Variants in GPC3 observed in about 807,000 individuals in gnomAD.
The protein encoded by GPC3 is glypican 3.
A neutral mutation model predicts 34.4 loss-of-function variants in GPC3; 3 were observed. The ratio of observed to expected loss-of-function variants is 0.09; its 90% CI spans 0.04 to 0.23. The LOEUF is 0.23. Among genes scored for constraint, GPC3 ranks in the 10% least tolerant of loss-of-function variants. GPC3 has a pLI of 1.00. For missense variants in GPC3, 351 were observed against 445.6 expected, an observed-to-expected ratio of 0.79 and a Z score of 1.91; for synonymous variants, 177 against 174.0, an observed-to-expected ratio of 1.02 and a Z score of -0.13.
At chrX:133,616,759 G>A (rs1477406706) in intron 6 of GPC3, among the ~76,000 whole-genome samples, 7 of 104,679 alleles carry the variant, frequency 6.7e-5, no homozygotes, top group Admixed American at 3.1e-4. Flanking sequence ...GTGCAGTGGC[G>A]CAATCTCGGC....
intron 2 of GPC3, among the ~76,000 whole-genome samples, chrX:133,825,392 A>G (rs1051617902): frequency 8.9e-6 from 1 of 112,025 alleles, no homozygotes; most frequent in African/African-American, 3.2e-5. Flanking sequence ...GAGCTCTCAC[A>G]AAGTGTCATT....
At chrX:133,903,011 G>A (rs1025401632) in intron 2 of GPC3, among the ~76,000 whole-genome samples, 14 of 110,194 alleles carry the variant, frequency 1.3e-4, no homozygotes, top group African/African-American at 3.6e-4. Context: ...TTGGGAGGCC[G>A]AGGCGGGCAG....
chrX:133,544,503 T>G (rs970307789), intron 7 of GPC3, among the ~76,000 whole-genome samples: 2 of 111,132 alleles, frequency 1.8e-5, no homozygotes, highest in Admixed American at 9.6e-5. Context: ...AAGAAAGAAA[T>G]AAAAAAGTCA....
At chrX:133,765,898 A>G (rs2071839796) in intron 2 of GPC3, among the ~76,000 whole-genome samples, 1 of 111,930 alleles carries the variant, frequency 8.9e-6, no homozygotes, top group Non-Finnish European at 1.9e-5. Flanking sequence ...TAACATTTAT[A>G]CACATACCCC....
intron 2 of GPC3, among the ~76,000 whole-genome samples, chrX:133,772,432 T>C (rs924051044): frequency 2.8e-4 from 31 of 111,759 alleles, no homozygotes; most frequent in African/African-American, 9.7e-4. Context: ...GGTGAATACA[T>C]TCACCATGAT....
At chrX:133,683,538 C>A (rs1224230802) in intron 5 of GPC3, among the ~76,000 whole-genome samples, 1 of 112,045 alleles carries the variant, frequency 8.9e-6, no homozygotes, top group Non-Finnish European at 1.9e-5. Flanking sequence ...AATGATCCAA[C>A]TGAGCTCAAC....
chrX:133,748,479 G>A (rs963853329), intron 3 of GPC3, among the ~76,000 whole-genome samples: 2 of 111,354 alleles, frequency 1.8e-5, no homozygotes, highest in African/African-American at 3.3e-5. Context: ...ATCTCAGTTT[G>A]CAAAACGGAT....
At chrX:133,938,292 G>C (rs747397817) in intron 2 of GPC3, among the ~76,000 whole-genome samples, 2 of 111,917 alleles carry the variant, frequency 1.8e-5, no homozygotes, top group East Asian at 5.5e-4. Context: ...GGGAGTTAGA[G>C]AGGTTTGGTA....
chrX:133,819,520 T>C (rs2075709021), intron 2 of GPC3, among the ~76,000 whole-genome samples: 1 of 110,946 alleles, frequency 9.0e-6, no homozygotes, highest in South Asian at 3.9e-4. Context: ...AACTTGAATA[T>C]CTGATCAGTG....
In GPC3 at chrX:133,662,980, C is replaced by T. The variant is rs187910143; in HGVS notation, c.1293-1130G>A. Among the ~76,000 whole-genome samples, 19 of 110,575 alleles carry T rather than the reference C, an allele frequency of 1.7e-4. No individual in the cohort carries two copies. The East Asian group carries it at 3.4e-3, about 20-fold the overall frequency. On this transcript the variant is annotated intron_variant, in intron 5 of 7. Transcript: ENST00000370818. Reference sequence around the variant, plus strand: ...TTCATTGTAAACAATTTAAGAAGTACAAAAATAAACAAGGCATAAAGTAAA... The same window carrying T: ...TTCATTGTAAACAATTTAAGAAGTATAAAAATAAACAAGGCATAAAGTAAA...
intron 2 of GPC3, among the ~76,000 whole-genome samples, chrX:133,816,571 G>C (rs891433792): frequency 8.9e-6 from 1 of 111,762 alleles, no homozygotes; most frequent in Non-Finnish European, 1.9e-5. Flanking sequence ...TTCATTTAAT[G>C]CTCACAGAAT....
At chrX:133,784,465 G>A (rs964451918) in intron 2 of GPC3, among the ~76,000 whole-genome samples, 1 of 111,079 alleles carries the variant, frequency 9.0e-6, no homozygotes, top group Non-Finnish European at 1.9e-5. Flanking sequence ...AGCCCATACT[G>A]ACCAGCTCCT....
chrX:133,574,843 C>T (rs2069663896), intron 7 of GPC3, among the ~76,000 whole-genome samples: 1 of 112,106 alleles, frequency 8.9e-6, no homozygotes, highest in East Asian at 2.8e-4. Context: ...GGTTGGCCAG[C>T]GGAGCACAAT....
At chrX:133,910,075 G>A (rs1159854716) in intron 2 of GPC3, among the ~76,000 whole-genome samples, 1 of 110,436 alleles carries the variant, frequency 9.1e-6, no homozygotes, top group Admixed American at 9.7e-5. Flanking sequence ...GCCAGATGGT[G>A]CCTGACCCCC....
At chrX:133,788,202 C>A (rs2072126812) in intron 2 of GPC3, among the ~76,000 whole-genome samples, 1 of 100,454 alleles carries the variant, frequency 1.0e-5, no homozygotes, top group African/African-American at 3.8e-5. Flanking sequence ...CTCCCCTTAT[C>A]CAGCTTCCTA....
chrX:133,824,456 G>A (rs2075736454), intron 2 of GPC3, among the ~76,000 whole-genome samples: 1 of 111,310 alleles, frequency 9.0e-6, no homozygotes, highest in African/African-American at 3.3e-5. Flanking sequence ...GGAGACGAAG[G>A]GGGAGAGGTT....
At position 133,684,059 on chromosome X, in the gene GPC3, T is replaced by G. The variant is rs184045904; in HGVS notation, c.1292+8310A>C. Among the ~76,000 whole-genome samples the G allele has an allele frequency of 2.7e-4, 30 of 112,277 alleles. No homozygotes were observed. In the Middle Eastern group the frequency reaches 0.014, roughly 52 times the overall value. The stretch of plus-strand genomic sequence containing the variant: ...ATAATCCATTTCTCCTTCAAAGGCT[T>G]TCCAAGAGCAATCTTGACTTATCTA... On this transcript the variant is annotated intron_variant, in intron 5 of 7. Transcript: ENST00000370818.
intron 6 of GPC3, among the ~76,000 whole-genome samples, chrX:133,608,500 T>G (rs917160824): frequency 3.6e-5 from 4 of 112,244 alleles, no homozygotes; most frequent in African/African-American, 9.7e-5. Context: ...AGACATGATC[T>G]GAACATTTAC....
intron 2 of GPC3, among the ~76,000 whole-genome samples, chrX:133,788,488 C>T (rs937345507): frequency 9.1e-6 from 1 of 109,821 alleles, no homozygotes; most frequent in Non-Finnish European, 1.9e-5. Context: ...CAGTCACACA[C>T]CCCTTACCTA....
Sources: allele counts gnomAD v4.1 joint callset (sites outside exome capture counted in the v4.1 genomes callset), GRCh38; gene constraint gnomAD v4.1.1; transcripts MANE v1.5; gene names NCBI Gene and HGNC (gene_info 2026-07-23, HGNC 2026-07-21).